Variants in PSPC1 observed in about 807,000 individuals in gnomAD.
PSPC1 encodes paraspeckle protein 1.
Under a neutral mutation model 51.6 loss-of-function variants are expected in PSPC1, and 14 were observed. The observed-to-expected ratio is 0.27, with a 90% CI of 0.18 to 0.42. The LOEUF is 0.42. PSPC1 is among the 10% of genes least tolerant of loss of function. PSPC1 has a pLI of 1.00. For synonymous variants in PSPC1, 193 were observed against 231.9 expected, an observed-to-expected ratio of 0.83 and a Z score of 1.53; for missense variants, 406 against 701.1, an observed-to-expected ratio of 0.58 and a Z score of 4.75.
At chr13:19,751,242 A>G (rs1886523674) in intron 4 of PSPC1, 29 bp downstream of exon 4, 1 of 1,489,548 alleles carries the variant, frequency 6.7e-7, no homozygotes, top group Non-Finnish European at 8.9e-7. Context: ...AAAAAATCAT[A>G]CCACATGTAC....
At chr13:19,733,909 C>T (rs577845846) in intron 5 of PSPC1, among the ~76,000 whole-genome samples, 3 of 152,034 alleles carry the variant, frequency 2.0e-5, no homozygotes, top group East Asian at 1.9e-4. Flanking sequence ...GCCGTGATCA[C>T]ACCACTGCAC....
At chr13:19,761,924 C>G (rs1234265618) in intron 2 of PSPC1, among the ~76,000 whole-genome samples, 6 of 152,116 alleles carry the variant, frequency 3.9e-5, no homozygotes, top group Non-Finnish European at 7.3e-5. Context: ...AGAGAAACTT[C>G]AGAAACAGAA....
intron 5 of PSPC1, among the ~76,000 whole-genome samples, chr13:19,739,145 G>C (rs1050124512): frequency 1.3e-5 from 2 of 152,276 alleles, no homozygotes; most frequent in African/African-American, 4.8e-5. Flanking sequence ...CTTATCATTA[G>C]TATTATGATA....
chr13:19,693,850 G>A (rs892322035), intron 6 of PSPC1, among the ~76,000 whole-genome samples: 12 of 152,178 alleles, frequency 7.9e-5, no homozygotes, highest in South Asian at 2.1e-4. Flanking sequence ...TTGGCCAGGC[G>A]CGGTGGCTCA....
chr13:19,759,299 A>T, intron 3 of PSPC1, 24 bp downstream of exon 3: 3 of 1,553,964 alleles, frequency 1.9e-6, no homozygotes, highest in Non-Finnish European at 2.7e-6. Flanking sequence ...TACAGACACA[A>T]ATTATCTATT....
At chr13:19,672,069 G>T, downstream of PSPC1, 1 of 600,834 alleles carries the variant, frequency 1.7e-6, no homozygotes, top group Non-Finnish European at 3.0e-6. Flanking sequence ...TCTCAGTGCA[G>T]TGTCCAGACT....
rs1213880720 is a variant in PSPC1, at chr13:19,782,091, C to A, written c.372+295G>T. ...GCGCTCGCTACCTGGACAGGGTGCA[C>A]CATGCCCGATCCAGCGCAGGGCAGC... On this transcript the variant is annotated intron_variant, in intron 1 of 8. Coordinates refer to ENST00000338910, the MANE Select transcript of PSPC1 (RefSeq NM_001354909.2). This position sits in a 1 kb window ranked among gnomAD's most constrained non-coding sequence, Gnocchi z 4.5. Among the ~76,000 whole-genome samples, 1 of 152,250 alleles carries A rather than the reference C, an allele frequency of 6.6e-6. No individual in the cohort carries two copies. Among genetic ancestry groups the A allele is most frequent in the Non-Finnish European group, 1.5e-5 (1 of 68,048 alleles).
At chr13:19,685,962 C>T (rs1034543192) in intron 6 of PSPC1, among the ~76,000 whole-genome samples, 7 of 152,122 alleles carry the variant, frequency 4.6e-5, no homozygotes, top group African/African-American at 1.7e-4. Context: ...TTGGCCATTA[C>T]TGCTATATGC....
At chr13:19,724,046 C>T (rs891162361) in intron 6 of PSPC1, among the ~76,000 whole-genome samples, 1 of 152,160 alleles carries the variant, frequency 6.6e-6, no homozygotes, top group East Asian at 1.9e-4. Context: ...ATTTCCATAA[C>T]TTAATGAAGA....
downstream of PSPC1, chr13:19,702,376 T>A (rs1565973369): frequency 6.6e-6 from 1 of 152,204 alleles, no homozygotes; most frequent in East Asian, 1.9e-4. Context: ...TTAAAGAATG[T>A]TTAACACTAA....
At chr13:19,754,166 C>T (rs1281726939) in intron 3 of PSPC1, among the ~76,000 whole-genome samples, 1 of 152,034 alleles carries the variant, frequency 6.6e-6, no homozygotes. Context: ...CTCACTGCAA[C>T]CTCCGCCTCC....
chr13:19,730,446 C>T, intron 5 of PSPC1, 102 bp from the exon 6 acceptor site: 2 of 1,063,690 alleles, frequency 1.9e-6, no homozygotes, highest in South Asian at 1.3e-5. Flanking sequence ...TCATATTATG[C>T]CAAACCTGTA....
chr13:19,781,429 C>T (rs1253494506), intron 1 of PSPC1, among the ~76,000 whole-genome samples: 1 of 152,000 alleles, frequency 6.6e-6, no homozygotes, highest in Non-Finnish European at 1.5e-5. Context: ...GAAAACTTTT[C>T]AAAGTTTAGA....
chr13:19,757,998 A>G (rs1438273396), intron 3 of PSPC1, among the ~76,000 whole-genome samples: 1 of 149,150 alleles, frequency 6.7e-6, no homozygotes, highest in Non-Finnish European at 1.5e-5. Context: ...GAAATGTTTA[A>G]TAAAGCTTTA....
chr13:19,779,180 GC>G (rs1889577089), intron 1 of PSPC1, among the ~76,000 whole-genome samples: 1 of 94,566 alleles, frequency 1.1e-5, no homozygotes, highest in Non-Finnish European at 2.2e-5. Flanking sequence ...CCCGGCAGCT[GC>G]CCCGTCTGAG....
At chr13:19,696,704 A>C (rs1879304207) in intron 6 of PSPC1, among the ~76,000 whole-genome samples, 3 of 152,168 alleles carry the variant, frequency 2.0e-5, no homozygotes, top group Admixed American at 2.0e-4. Flanking sequence ...ATTCACCATG[A>C]GGGTAAGTAA....
intron 2 of PSPC1, among the ~76,000 whole-genome samples, chr13:19,770,246 T>G (rs868324362): frequency 5.9e-5 from 9 of 152,198 alleles, no homozygotes; most frequent in African/African-American, 2.2e-4. Flanking sequence ...AATAGCTATC[T>G]AAGGCAGGTA....
chr13:19,766,366 C>T (rs1888069052), intron 2 of PSPC1, among the ~76,000 whole-genome samples: 1 of 152,106 alleles, frequency 6.6e-6, no homozygotes, highest in Admixed American at 6.6e-5. Flanking sequence ...GAGTGAGACC[C>T]TGTCTCAAAT....
intron 5 of PSPC1, among the ~76,000 whole-genome samples, chr13:19,733,550 C>T (rs1290227996): frequency 6.6e-6 from 1 of 151,952 alleles, no homozygotes; most frequent in Non-Finnish European, 1.5e-5. Context: ...CACTTGAGGT[C>T]AGCAGTTCAA....
Sources: gnomAD v4.1 joint callset for allele counts (sites outside exome capture counted in the v4.1 genomes callset) on GRCh38, gnomAD v4.1.1 for gene constraint, Gnocchi (gnomAD v3.1) non-coding constraint, MANE v1.5 for transcripts, NCBI Gene and HGNC (gene_info 2026-07-23, HGNC 2026-07-21) for gene names.